Variants in CNTLN observed in about 807,000 individuals in gnomAD.
CNTLN encodes the protein centlein, centrosomal protein.
CNTLN carries 212 observed loss-of-function variants against 180.0 expected under a neutral mutation model. That is an observed-to-expected ratio of 1.18 (90% confidence interval 1.05 to 1.32). The LOEUF (loss-of-function observed/expected upper bound fraction) is 1.32, where lower values mean the gene tolerates loss of function less well. Among genes scored for constraint, CNTLN ranks in the 40% most tolerant of loss-of-function variants. The pLI, the probability that CNTLN is intolerant of heterozygous loss-of-function variation, is 0.00. For missense variants in CNTLN, 2,095 were observed against 1,610.9 expected (o/e 1.30, Z -5.14); for synonymous variants, 722 against 563.1 (o/e 1.28, Z -3.99).
intron 5 of CNTLN, among the ~76,000 whole-genome samples, chr9:17,270,362 A>G (rs1031678250): frequency 3.9e-5 from 6 of 152,230 alleles, no homozygotes; most frequent in South Asian, 2.1e-4. Context: ...TTCTGACTCT[A>G]TTGGCATCTT....
chr9:17,428,164 C>G (rs1829207371), intron 18 of CNTLN, among the ~76,000 whole-genome samples: 1 of 152,138 alleles, frequency 6.6e-6, no homozygotes, highest in Non-Finnish European at 1.5e-5. Context: ...GGTAGTGTAA[C>G]AAAATTAGCA....
chr9:17,315,259 G>A (rs201461930), intron 8 of CNTLN, among the ~76,000 whole-genome samples: 1 of 152,026 alleles, frequency 6.6e-6, no homozygotes, highest in East Asian at 1.9e-4. Flanking sequence ...TAGATGGATA[G>A]AACTGTTGAT....
At chr9:17,305,078 C>A (rs553693707) in intron 7 of CNTLN, among the ~76,000 whole-genome samples, 7 of 152,160 alleles carry the variant, frequency 4.6e-5, no homozygotes, top group African/African-American at 1.7e-4. Flanking sequence ...TCATTTAGTT[C>A]TTTAACACTA....
At chr9:17,270,323 GT>G (rs1242704585) in intron 5 of CNTLN, among the ~76,000 whole-genome samples, 5 of 152,054 alleles carry the variant, frequency 3.3e-5, no homozygotes, top group African/African-American at 1.2e-4. Flanking sequence ...TTTTTAAATC[GT>G]AAGGTGTTGG....
intron 13 of CNTLN, among the ~76,000 whole-genome samples, chr9:17,380,103 AG>A (rs1825110947): frequency 6.6e-6 from 1 of 152,212 alleles, no homozygotes; most frequent in Non-Finnish European, 1.5e-5. Flanking sequence ...AAGAGGCTAA[AG>A]GGGAGAAAGT....
chr9:17,151,255 C>G (rs1461608695), intron 2 of CNTLN, among the ~76,000 whole-genome samples: 2 of 152,126 alleles, frequency 1.3e-5, no homozygotes, highest in African/African-American at 4.8e-5. Flanking sequence ...TGAGTTTTTG[C>G]CCTATCAGTA....
At chr9:17,409,805 A>G (rs907741778) in intron 16 of CNTLN, among the ~76,000 whole-genome samples, 1 of 152,118 alleles carries the variant, frequency 6.6e-6, no homozygotes, top group African/African-American at 2.4e-5. Flanking sequence ...TTGCAATGAT[A>G]AAGTCATTTA....
intron 7 of CNTLN, among the ~76,000 whole-genome samples, chr9:17,304,342 A>C (rs1399828509): frequency 6.6e-6 from 1 of 152,154 alleles, no homozygotes; most frequent in East Asian, 1.9e-4. Context: ...CGTTCATACA[A>C]TTTTTAATAT....
chr9:17,342,341 A>G lies in CNTLN; in HGVS notation c.1783A>G (p.Ile595Val), dbSNP rs747968100. 6.2e-7 allele frequency: 1 copy of G among 1,612,398 alleles called. No individual in the cohort carries two copies. Among genetic ancestry groups the G allele is most frequent in the Non-Finnish European group, 8.5e-7 (1 of 1,179,318 alleles). ...TAAAAATAGGACTGAAATCAGGAAA[A>G]TAAAGAGAGCAGATCCCCAACAACT... ...EGSGMTEIRK[I>V]KRADPQQLRQ... is the part of the protein sequence containing the mutation. Residue 595 changes from isoleucine (I) to valine (V), a missense_variant, in exon 12 of 26, where the codon ATA becomes GTA. Physicochemically the swap from Ile to Val is conservative, Grantham distance 29. Transcript: ENST00000380647.
intron 5 of CNTLN, among the ~76,000 whole-genome samples, chr9:17,247,452 C>T (rs1825860093): frequency 6.6e-6 from 1 of 152,162 alleles, no homozygotes; most frequent in Non-Finnish European, 1.5e-5. Context: ...CTGTGCTCTG[C>T]CTCTCCCAAT....
chr9:17,241,077 C>A (rs1418899604), intron 5 of CNTLN, among the ~76,000 whole-genome samples: 2 of 152,150 alleles, frequency 1.3e-5, no homozygotes, highest in Non-Finnish European at 2.9e-5. Context: ...CCAGGATGGT[C>A]TCGATCTCCT....
intron 2 of CNTLN, among the ~76,000 whole-genome samples, chr9:17,154,517 G>A (rs765133136): frequency 3.3e-5 from 5 of 152,178 alleles, no homozygotes; most frequent in African/African-American, 9.7e-5. Flanking sequence ...TGGAAGCTTC[G>A]ACCCAGTGGG....
chr9:17,290,990 C>A (rs898497259), intron 6 of CNTLN, among the ~76,000 whole-genome samples: 1 of 152,098 alleles, frequency 6.6e-6, no homozygotes, highest in African/African-American at 2.4e-5. Flanking sequence ...ATGCTGGGAG[C>A]TGTAGACCGG....
At chr9:17,474,362 A>G (rs1038117293) in intron 23 of CNTLN, among the ~76,000 whole-genome samples, 1 of 152,146 alleles carries the variant, frequency 6.6e-6, no homozygotes, top group Non-Finnish European at 1.5e-5. Flanking sequence ...CCAAATCTGT[A>G]ATCATCTTCG....
rs117188744 is a variant in CNTLN at position 17,255,067 on chromosome 9, T to A, written c.849+18479T>A. Among the ~76,000 whole-genome samples the A allele has an allele frequency of 8.9e-3, 1,355 of 151,974 alleles. 13 individuals are homozygous for A. Among genetic ancestry groups the A allele is most frequent in the Non-Finnish European group, 0.015 (1,044 of 67,806 alleles). On this transcript the variant is annotated intron_variant, in intron 5 of 25. Coordinates refer to ENST00000380647, the MANE Select transcript of CNTLN (RefSeq NM_017738.4). Reference sequence around the variant, plus strand: ...ATGGAATTGTTTTCTTAATTTCCTTTTCTGGTTATTCATTGTTAGTGTATA... The same window carrying A: ...ATGGAATTGTTTTCTTAATTTCCTTATCTGGTTATTCATTGTTAGTGTATA...
chr9:17,248,303 G>C (rs1276015428), intron 5 of CNTLN, among the ~76,000 whole-genome samples: 2 of 151,914 alleles, frequency 1.3e-5, no homozygotes, highest in East Asian at 3.9e-4. Context: ...AACAGTTTTA[G>C]AGGGTTTGGT....
intron 19 of CNTLN, 139 bp downstream of exon 19, chr9:17,457,854 T>C (rs78114716): frequency 0.013 from 6,523 of 506,816 alleles, 60 homozygotes; most frequent in Middle Eastern, 0.019. Flanking sequence ...ATTGCCTTCA[T>C]CATTAATTTT....
intron 3 of CNTLN, among the ~76,000 whole-genome samples, chr9:17,235,160 A>C (rs1260648125): frequency 6.6e-6 from 1 of 152,172 alleles, no homozygotes; most frequent in Non-Finnish European, 1.5e-5. Context: ...AAATTTTGGC[A>C]GCCTTAACAT....
At chr9:17,405,693 T>G (rs984186699) in intron 15 of CNTLN, among the ~76,000 whole-genome samples, 2 of 151,800 alleles carry the variant, frequency 1.3e-5, no homozygotes, top group Non-Finnish European at 2.9e-5. Flanking sequence ...TGTGATCTCA[T>G]AGTATTTATT....
Sources: allele counts gnomAD v4.1 joint callset (sites outside exome capture counted in the v4.1 genomes callset), GRCh38; gene constraint gnomAD v4.1.1; transcripts MANE v1.5; gene names NCBI Gene and HGNC (gene_info 2026-07-23, HGNC 2026-07-21).